Variants in CTNNA3 observed in about 807,000 individuals in gnomAD.
The protein encoded by CTNNA3 is catenin alpha-3.
Under a neutral mutation model 95.7 loss-of-function variants are expected in CTNNA3, and 76 were observed. The ratio of observed to expected loss-of-function variants is 0.79; its 90% CI spans 0.66 to 0.96. The LOEUF (loss-of-function observed/expected upper bound fraction) is 0.96. CTNNA3 is among the 40% of genes least tolerant of loss of function. The pLI is 0.00. For missense variants in CTNNA3, 1,191 were observed against 1,089.8 expected (o/e 1.09, Z -1.31); for synonymous variants, 431 against 374.4 (o/e 1.15, Z -1.74).
At chr10:66,004,788 C>T (rs1451996249) in intron 15 of CTNNA3, among the ~76,000 whole-genome samples, 1 of 152,222 alleles carries the variant, frequency 6.6e-6, no homozygotes, top group African/African-American at 2.4e-5. Flanking sequence ...TTAATTCTTA[C>T]AGTTCCCTCT....
At chr10:66,157,937 G>A (rs2084633251) in intron 13 of CTNNA3, among the ~76,000 whole-genome samples, 2 of 151,938 alleles carry the variant, frequency 1.3e-5, no homozygotes, top group Non-Finnish European at 2.9e-5. Context: ...TTTTTCATAT[G>A]TTTGTTGGCC....
At chr10:67,442,088 GTA>G (rs1275986086) in intron 5 of CTNNA3, among the ~76,000 whole-genome samples, 2 of 152,136 alleles carry the variant, frequency 1.3e-5, no homozygotes, top group African/African-American at 4.8e-5. Flanking sequence ...AAGTTAAAGT[GTA>G]GAGTTTTTAT....
Position 67,187,994 on chromosome 10 carries a change from T to C in CTNNA3, c.844-7474A>G, listed in dbSNP as rs1051863467. On this transcript the variant is annotated intron_variant, in intron 6 of 17. Coordinates refer to ENST00000433211, the MANE Select transcript of CTNNA3 (RefSeq NM_013266.4). ...CTTAAAGAGCCTACTCTGTGCCAGGTACTGTGCTAGGAATTGGTAATAGAA... is the reference window on the plus strand; with the variant it reads ...CTTAAAGAGCCTACTCTGTGCCAGGCACTGTGCTAGGAATTGGTAATAGAA... 2.6e-5 allele frequency among the ~76,000 whole-genome samples: 4 copies of C among 152,326 alleles called. No homozygotes were observed. In the South Asian group the frequency reaches 6.2e-4, roughly 24 times the overall value.
intron 5 of CTNNA3, among the ~76,000 whole-genome samples, chr10:67,307,052 C>T (rs142513746): frequency 6.6e-6 from 1 of 152,284 alleles, no homozygotes; most frequent in East Asian, 1.9e-4. Flanking sequence ...TTGTGGGTGA[C>T]TGCAGGTTCT....
chr10:66,314,813 G>C (rs1275268802), intron 12 of CTNNA3, among the ~76,000 whole-genome samples: 1 of 151,836 alleles, frequency 6.6e-6, no homozygotes, highest in Non-Finnish European at 1.5e-5. Flanking sequence ...GCATCACTTG[G>C]ATAAAAGTCA....
chr10:67,684,699 G>A (rs1016218558), intron 1 of CTNNA3, among the ~76,000 whole-genome samples: 5 of 152,182 alleles, frequency 3.3e-5, no homozygotes, highest in Non-Finnish European at 5.9e-5. Flanking sequence ...AGTAGAAGTT[G>A]TTAGTTGAGC....
At chr10:67,566,376 C>T (rs1310536392) in intron 3 of CTNNA3, among the ~76,000 whole-genome samples, 16 of 151,504 alleles carry the variant, frequency 1.1e-4, no homozygotes, top group Non-Finnish European at 1.9e-4. Context: ...TGAACAGACA[C>T]TTCTCAAAAG....
intron 5 of CTNNA3, among the ~76,000 whole-genome samples, chr10:67,384,606 C>G (rs1844074502): frequency 6.6e-6 from 1 of 152,160 alleles, no homozygotes; most frequent in African/African-American, 2.4e-5. Context: ...TTCCATTGTG[C>G]AGGCTCAAAG....
chr10:67,259,853 G>T lies in CTNNA3; in HGVS notation c.580-39983C>A, dbSNP rs576597889. ...AGTAGCACAGGCAGTTTCCTGTAAA[G>T]TGTAATTGGGATAGTGTTGGAAGGG... is the stretch of plus-strand genomic sequence containing the variant. On this transcript the variant is annotated intron_variant, in intron 5 of 17. Transcript: ENST00000433211. Among the ~76,000 whole-genome samples, 20 of 152,230 alleles carry T rather than the reference G, an allele frequency of 1.3e-4. No individual in the cohort carries two copies. The South Asian group carries it at 4.2e-3, about 32-fold the overall frequency.
intron 7 of CTNNA3, among the ~76,000 whole-genome samples, chr10:66,860,100 G>T (rs11593593): frequency 0.57 from 82,253 of 144,040 alleles, 24,550 homozygotes; most frequent in Non-Finnish European, 0.62. Flanking sequence ...ATACCAGCAT[G>T]GCACATGTAT....
chr10:67,039,240 T>C (rs1854252939), intron 7 of CTNNA3, among the ~76,000 whole-genome samples: 1 of 152,144 alleles, frequency 6.6e-6, no homozygotes, highest in Non-Finnish European at 1.5e-5. Context: ...ATACCAAGTG[T>C]AGCAGATGTA....
intron 5 of CTNNA3, among the ~76,000 whole-genome samples, chr10:67,419,021 T>C (rs1462460076): frequency 1.3e-5 from 2 of 152,164 alleles, no homozygotes; most frequent in Non-Finnish European, 2.9e-5. Flanking sequence ...GAAAAAACAG[T>C]ATGCATATTT....
intron 7 of CTNNA3, among the ~76,000 whole-genome samples, chr10:66,845,714 A>AAAAACAAAAAC (rs1383940631): frequency 7.8e-6 from 1 of 128,920 alleles, no homozygotes; most frequent in Non-Finnish European, 1.6e-5. Context: ...AAAAAAAAAA[A>AAAAACAAAAAC]AAAAAAAAAA....
At chr10:66,446,456 C>T (rs1342841985) in intron 11 of CTNNA3, among the ~76,000 whole-genome samples, 4 of 151,750 alleles carry the variant, frequency 2.6e-5, no homozygotes, top group Non-Finnish European at 5.9e-5. Context: ...TCCAGCAGCA[C>T]ATCAAAAAGT....
chr10:67,415,162 C>T (rs1396057997), intron 5 of CTNNA3, among the ~76,000 whole-genome samples: 2 of 151,958 alleles, frequency 1.3e-5, no homozygotes, highest in African/African-American at 2.4e-5. Flanking sequence ...GCCAGATCAA[C>T]CAGGCAAGAG....
chr10:66,398,080 A>G (rs1246045369), intron 11 of CTNNA3, among the ~76,000 whole-genome samples: 1 of 151,946 alleles, frequency 6.6e-6, no homozygotes, highest in East Asian at 1.9e-4. Flanking sequence ...GTTTTATGTT[A>G]CATAACCAAT....
intron 14 of CTNNA3, among the ~76,000 whole-genome samples, chr10:66,081,512 A>G (rs550227623): frequency 1.3e-5 from 2 of 152,212 alleles, no homozygotes; most frequent in African/African-American, 4.8e-5. Flanking sequence ...AATACCAAAA[A>G]AACACAAAAA....
At position 67,750,418 on chromosome 10, in the gene CTNNA3, T is replaced by G; in HGVS notation, c.-2+13016A>C. On this transcript the variant is annotated intron_variant, in intron 1 of 17. Transcript: ENST00000684154. ...ATGCAGGATATCGCCACATTGACTG[T>G]GCCTATGTCTATCAGAATGAACATG... is the stretch of plus-strand genomic sequence containing the variant. 2.0e-6 allele frequency: 3 copies of G among 1,483,398 alleles called. No individual in the cohort carries two copies. In the Admixed American group the frequency reaches 5.0e-5, roughly 25 times the overall value. 91.9% of individuals were successfully genotyped at this position (1,483,398 alleles called of 1,614,324 possible).
intron 11 of CTNNA3, among the ~76,000 whole-genome samples, chr10:66,394,505 C>T (rs1035640796): frequency 6.6e-6 from 1 of 150,700 alleles, no homozygotes; most frequent in Non-Finnish European, 1.5e-5. Flanking sequence ...GCTTCCTCTC[C>T]CACAGACTGA....
Sources: allele counts gnomAD v4.1 joint callset (sites outside exome capture counted in the v4.1 genomes callset), GRCh38; gene constraint gnomAD v4.1.1; transcripts MANE v1.5; gene names NCBI Gene and HGNC (gene_info 2026-07-23, HGNC 2026-07-21).